The following ZNF385B variants were observed in gnomAD, a reference collection of about 807,000 sequenced individuals.
The protein encoded by ZNF385B is zinc finger protein 533.
A neutral mutation model predicts 39.2 loss-of-function variants in ZNF385B; 23 were observed. The ratio of observed to expected loss-of-function variants is 0.59; its 90% CI spans 0.42 to 0.83. The LOEUF is 0.83. ZNF385B is among the 40% of genes least tolerant of loss of function. The pLI, the probability that ZNF385B is intolerant of heterozygous loss-of-function variation, is 0.00. For missense variants in ZNF385B, 552 were observed against 598.9 expected, an observed-to-expected ratio of 0.92 and a Z score of 0.82; for synonymous variants, 205 against 222.6, an observed-to-expected ratio of 0.92 and a Z score of 0.70.
intron 1 of ZNF385B, among the ~76,000 whole-genome samples, chr2:179,851,520 T>A (rs1684148386): frequency 6.6e-6 from 1 of 152,184 alleles, no homozygotes; most frequent in Non-Finnish European, 1.5e-5. Flanking sequence ...GGTTCAATCA[T>A]AACATGACCC....
intron 1 of ZNF385B, among the ~76,000 whole-genome samples, chr2:179,829,513 C>CT (rs898443923): frequency 2.4e-4 from 36 of 151,432 alleles, no homozygotes; most frequent in African/African-American, 7.0e-4. Context: ...TTGGATATGA[C>CT]TTTTTTTTTC....
intron 6 of ZNF385B, among the ~76,000 whole-genome samples, chr2:179,477,667 T>C (rs1340279303): frequency 6.6e-6 from 1 of 152,208 alleles, no homozygotes; most frequent in Non-Finnish European, 1.5e-5. Flanking sequence ...AGTGTTAGCC[T>C]CTATTTCAGT....
intron 3 of ZNF385B, among the ~76,000 whole-genome samples, chr2:179,570,543 G>C (rs1685092852): frequency 6.6e-6 from 1 of 152,134 alleles, no homozygotes; most frequent in South Asian, 2.1e-4. Context: ...AGATTTGGAA[G>C]GGGAAGGACA....
At chr2:179,745,803 C>T in intron 3 of ZNF385B, 11 of 1,505,270 alleles carry the variant, frequency 7.3e-6, no homozygotes, top group Non-Finnish European at 8.9e-6. Context: ...CAGTATGTGA[C>T]CAGGATAATG....
intron 1 of ZNF385B, among the ~76,000 whole-genome samples, chr2:179,772,579 G>C (rs1384392284): frequency 6.6e-6 from 1 of 152,226 alleles, no homozygotes; most frequent in African/African-American, 2.4e-5. Context: ...CAAGATATCA[G>C]AGTCTCAGCA....
chr2:179,751,757 A>G (rs1012539417), intron 3 of ZNF385B, among the ~76,000 whole-genome samples: 16 of 151,886 alleles, frequency 1.1e-4, no homozygotes, highest in Admixed American at 6.6e-4. Flanking sequence ...CCAACTGACA[A>G]CCCATTTTCC....
At chr2:179,710,454 C>T (rs1699920806) in intron 3 of ZNF385B, among the ~76,000 whole-genome samples, 1 of 152,194 alleles carries the variant, frequency 6.6e-6, no homozygotes. Context: ...ATTTTACATC[C>T]TACTCCCCGT....
chr2:179,714,953 A>AAAC (rs1553516045), intron 3 of ZNF385B, among the ~76,000 whole-genome samples: 2 of 151,118 alleles, frequency 1.3e-5, no homozygotes, highest in South Asian at 2.1e-4. Flanking sequence ...AAAAAAAAAA[A>AAAC]AAAAAAAACA....
intron 6 of ZNF385B, among the ~76,000 whole-genome samples, chr2:179,465,419 G>A (rs1413676791): frequency 1.3e-5 from 2 of 151,978 alleles, no homozygotes; most frequent in African/African-American, 4.8e-5. Flanking sequence ...TACTCTATAG[G>A]ATGTCTGCTT....
chr2:179,754,852 A>G (rs1702907800), intron 3 of ZNF385B, among the ~76,000 whole-genome samples: 2 of 152,084 alleles, frequency 1.3e-5, no homozygotes, highest in African/African-American at 4.8e-5. Flanking sequence ...CTAGTGGTCT[A>G]TCAATTTTGT....
intron 4 of ZNF385B, among the ~76,000 whole-genome samples, chr2:179,518,908 TAGA>T (rs1467038461): frequency 2.6e-5 from 4 of 152,162 alleles, no homozygotes; most frequent in Admixed American, 1.3e-4. Flanking sequence ...CTAATGTCTC[TAGA>T]AGGAGCCTTG....
chr2:179,621,231 T>C (rs1018456442), intron 3 of ZNF385B, among the ~76,000 whole-genome samples: 2 of 152,144 alleles, frequency 1.3e-5, no homozygotes, highest in African/African-American at 4.8e-5. Flanking sequence ...AACAAAGGCA[T>C]ACTGGATAAT....
intron 3 of ZNF385B, among the ~76,000 whole-genome samples, chr2:179,702,470 G>A (rs535101739): frequency 3.9e-4 from 60 of 152,286 alleles, no homozygotes; most frequent in Non-Finnish European, 2.5e-4. Flanking sequence ...ATCTGGACTC[G>A]TTTATTGAAA....
chr2:179,826,342 A>G (rs1172798488), intron 1 of ZNF385B, among the ~76,000 whole-genome samples: 1 of 152,170 alleles, frequency 6.6e-6, no homozygotes, highest in African/African-American at 2.4e-5. Flanking sequence ...AGCATGCAAG[A>G]GCTTTGATGC....
intron 1 of ZNF385B, chr2:179,814,482 C>T: frequency 1.8e-6 from 1 of 563,340 alleles, no homozygotes; most frequent in Non-Finnish European, 3.3e-6. Flanking sequence ...GTTATATGAT[C>T]CATGCACTAT....
intron 3 of ZNF385B, among the ~76,000 whole-genome samples, chr2:179,661,157 A>T (rs1260699541): frequency 6.6e-6 from 1 of 152,236 alleles, no homozygotes; most frequent in East Asian, 1.9e-4. Context: ...GTTTCAGAAA[A>T]CTGTAAAAGG....
intron 6 of ZNF385B, among the ~76,000 whole-genome samples, chr2:179,478,087 C>T (rs1367770958): frequency 6.6e-6 from 1 of 152,170 alleles, no homozygotes; most frequent in Non-Finnish European, 1.5e-5. Flanking sequence ...AAACAAGAAA[C>T]CCCAAGTTTC....
At chr2:179,552,147 C>A (rs2060615024) in intron 3 of ZNF385B, among the ~76,000 whole-genome samples, 1 of 149,172 alleles carries the variant, frequency 6.7e-6, no homozygotes, top group South Asian at 2.2e-4. Flanking sequence ...ACAATACAAC[C>A]TTACTTAAGG....
intron 1 of ZNF385B, among the ~76,000 whole-genome samples, chr2:179,788,421 T>C (rs1421446928): frequency 6.6e-6 from 1 of 152,090 alleles, no homozygotes; most frequent in East Asian, 1.9e-4. Context: ...ATGCAGCAAA[T>C]GTAACATGCT....
Sources: gnomAD v4.1 joint callset for allele counts (sites outside exome capture counted in the v4.1 genomes callset) on GRCh38, gnomAD v4.1.1 for gene constraint, MANE v1.5 for transcripts, NCBI Gene and HGNC (gene_info 2026-07-23, HGNC 2026-07-21) for gene names.